CTNNA2: variants seen among roughly 807,000 people sequenced by gnomAD.
The protein encoded by CTNNA2 is catenin alpha 2.
Under a neutral mutation model 101.0 loss-of-function variants are expected in CTNNA2, and 42 were observed. The observed-to-expected ratio is 0.42, with a 90% CI of 0.32 to 0.54. The LOEUF (loss-of-function observed/expected upper bound fraction) is 0.54, where lower values mean the gene tolerates loss of function less well. Ranked by LOEUF, CTNNA2 falls within the 20% of genes least tolerant of loss-of-function variation. CTNNA2 has a pLI of 0.14. For missense variants in CTNNA2, 871 were observed against 1,223.1 expected (o/e 0.71, Z 4.29); for synonymous variants, 450 against 456.4 (o/e 0.99, Z 0.18).
intron 4 of CTNNA2, among the ~76,000 whole-genome samples, chr2:79,379,992 A>G (rs1217032079): frequency 6.6e-6 from 1 of 152,194 alleles, no homozygotes; most frequent in Non-Finnish European, 1.5e-5. Context: ...ATAGTCTCTT[A>G]TGTCCACATT....
chr2:80,257,413 G>A (rs1289854508), intron 7 of CTNNA2, among the ~76,000 whole-genome samples: 1 of 152,082 alleles, frequency 6.6e-6, no homozygotes, highest in Non-Finnish European at 1.5e-5. Flanking sequence ...TTACCACAGG[G>A]AACAAATTTT....
At chr2:79,417,916 G>C (rs1043484310) in intron 4 of CTNNA2, among the ~76,000 whole-genome samples, 1 of 152,074 alleles carries the variant, frequency 6.6e-6, no homozygotes, top group African/African-American at 2.4e-5. Context: ...TAAAGAAAGA[G>C]TTTCATTGAT....
intron 9 of CTNNA2, among the ~76,000 whole-genome samples, chr2:80,485,197 A>G (rs193300174): frequency 9.4e-4 from 143 of 152,276 alleles, no homozygotes; most frequent in Non-Finnish European, 1.3e-3. Context: ...TGTCAAACTA[A>G]CTTCTGTGAA....
chr2:79,577,973 C>G (rs1675901341), intron 1 of CTNNA2, among the ~76,000 whole-genome samples: 1 of 152,048 alleles, frequency 6.6e-6, no homozygotes, highest in Non-Finnish European at 1.5e-5. Context: ...ATTATTTAAA[C>G]AAAGCTCATA....
intron 7 of CTNNA2, among the ~76,000 whole-genome samples, chr2:80,041,110 G>A (rs1367342422): frequency 6.6e-6 from 1 of 151,710 alleles, no homozygotes; most frequent in African/African-American, 2.4e-5. Flanking sequence ...ATATATTTAT[G>A]GTATACCAAT....
intron 7 of CTNNA2, among the ~76,000 whole-genome samples, chr2:80,375,781 T>C (rs1300879855): frequency 1.3e-5 from 2 of 151,962 alleles, no homozygotes; most frequent in African/African-American, 4.8e-5. Flanking sequence ...GCCAGGATGG[T>C]CTCGATCTCC....
chr2:80,327,116 C>G (rs1670883129), intron 7 of CTNNA2, among the ~76,000 whole-genome samples: 1 of 152,164 alleles, frequency 6.6e-6, no homozygotes, highest in Admixed American at 6.5e-5. Flanking sequence ...CAAACACATG[C>G]TGTTCTCTGA....
At chr2:79,864,276 C>T (rs1205314249) in intron 4 of CTNNA2, among the ~76,000 whole-genome samples, 4 of 152,104 alleles carry the variant, frequency 2.6e-5, no homozygotes, top group African/African-American at 7.2e-5. Flanking sequence ...AAGAGCTTTA[C>T]GAACCAAGGA....
chr2:79,589,763 G>A (rs1006963215), intron 1 of CTNNA2, among the ~76,000 whole-genome samples: 5 of 149,978 alleles, frequency 3.3e-5, no homozygotes, highest in South Asian at 2.1e-4. Flanking sequence ...TCAGGACGGC[G>A]TGGAAACTAA....
At chr2:79,687,604 A>G (rs1684022107) in intron 2 of CTNNA2, 2 of 703,614 alleles carry the variant, frequency 2.8e-6, no homozygotes, top group South Asian at 3.1e-5. Flanking sequence ...TGAAAATCAC[A>G]TAAATCTGTA....
intron 10 of CTNNA2, 96 bp downstream of exon 10, chr2:80,545,170 A>T: frequency 2.6e-6 from 3 of 1,151,268 alleles, no homozygotes; most frequent in Non-Finnish European, 3.7e-6. Context: ...CCTCTTGCTG[A>T]AAAAGGCTAC....
intron 7 of CTNNA2, among the ~76,000 whole-genome samples, chr2:80,211,296 C>G (rs1274146325): frequency 6.6e-6 from 1 of 152,202 alleles, no homozygotes; most frequent in East Asian, 1.9e-4. Context: ...TTGCCCATGC[C>G]TATGGCCTGA....
intron 4 of CTNNA2, among the ~76,000 whole-genome samples, chr2:79,387,544 G>A (rs1678118622): frequency 6.6e-6 from 1 of 152,158 alleles, no homozygotes; most frequent in Admixed American, 6.5e-5. Flanking sequence ...CTTGGCTCTA[G>A]AGACACAGCT....
intron 7 of CTNNA2, among the ~76,000 whole-genome samples, chr2:80,210,227 A>G (rs781501790): frequency 7.9e-5 from 12 of 152,092 alleles, no homozygotes; most frequent in Non-Finnish European, 1.2e-4. Flanking sequence ...TTTCTTTTTT[A>G]TTAGACTTTA....
intron 2 of CTNNA2, among the ~76,000 whole-genome samples, chr2:79,245,989 G>A (rs1024982246): frequency 3.9e-5 from 6 of 152,158 alleles, no homozygotes; most frequent in Non-Finnish European, 7.3e-5. Flanking sequence ...GTTCAGATTC[G>A]AATCCAGGCT....
chr2:80,358,741 T>G (rs1269286012), intron 7 of CTNNA2, among the ~76,000 whole-genome samples: 2 of 152,188 alleles, frequency 1.3e-5, no homozygotes, highest in East Asian at 3.9e-4. Context: ...AGTAGATATA[T>G]AAAATGTTAT....
intron 7 of CTNNA2, among the ~76,000 whole-genome samples, chr2:79,914,092 G>A (rs1163329354): frequency 3.0e-4 from 44 of 147,770 alleles, no homozygotes; most frequent in East Asian, 2.6e-3. Context: ...GCGTGAACCC[G>A]GGAGGCGGAG....
rs1558680143 is a variant in CTNNA2 at position 80,648,486 on chromosome 2, C to CTAGTGATA, written c.*614_*615insTAGTGATA. 7 of 152,462 alleles carry CTAGTGATA rather than the reference C, an allele frequency of 4.6e-5. No individual in the cohort carries two copies. In the East Asian group the frequency reaches 1.2e-3, roughly 25 times the overall value. 9.4% of individuals were successfully genotyped at this position (152,462 alleles called of 1,614,324 possible). Reference sequence around the variant, plus strand: ...TTCTAGTTGTGCCATTACTAGTGATCATGTTTTTTTCCCCCCTTTAATGAA... The same window carrying CTAGTGATA: ...TTCTAGTTGTGCCATTACTAGTGATCTAGTGATAATGTTTTTTTCCCCCCTTTAATGAA... On this transcript the variant is annotated 3_prime_UTR_variant, in exon 19 of 19. Coordinates refer to ENST00000402739, the MANE Select transcript of CTNNA2 (RefSeq NM_001282597.3).
chr2:80,204,243 T>A (rs1354456174), intron 7 of CTNNA2, among the ~76,000 whole-genome samples: 1 of 152,264 alleles, frequency 6.6e-6, no homozygotes, highest in Non-Finnish European at 1.5e-5. Flanking sequence ...TACACATTTC[T>A]GAAGCCAGCT....
Sources: allele counts gnomAD v4.1 joint callset (sites outside exome capture counted in the v4.1 genomes callset), GRCh38; gene constraint gnomAD v4.1.1; transcripts MANE v1.5; gene names NCBI Gene and HGNC (gene_info 2026-07-23, HGNC 2026-07-21).